The following MID1 variants were observed in gnomAD, a reference collection of about 807,000 sequenced individuals.
MID1 encodes midline 1, also known as E3 ubiquitin-protein ligase Midline-1.
MID1 carries 7 observed loss-of-function variants against 40.4 expected under a neutral mutation model. The ratio of observed to expected loss-of-function variants is 0.17; its 90% CI spans 0.10 to 0.33. The LOEUF (loss-of-function observed/expected upper bound fraction) is 0.33, where lower values mean the gene tolerates loss of function less well. MID1 is among the 10% of genes least tolerant of loss of function. The pLI, the probability that MID1 is intolerant of heterozygous loss-of-function variation, is 1.00. For synonymous variants in MID1, 229 were observed against 221.2 expected, an observed-to-expected ratio of 1.04 and a Z score of -0.31; for missense variants, 367 against 558.5, an observed-to-expected ratio of 0.66 and a Z score of 3.46.
Position 10,781,050 on chromosome X carries a change from A to T in MID1, c.-187+52504T>A, listed in dbSNP as rs191281326. ...CATGGACCAGTACCGGAGGTTGGGG[A>T]CCCCTGGTTTACAGTTTAAGCTGAG... On this transcript the variant is annotated intron_variant, in intron 1 of 10. Coordinates refer to the MID1 transcript ENST00000380785. Among the ~76,000 whole-genome samples, 157 of 111,264 alleles carry T rather than the reference A, an allele frequency of 1.4e-3. 3 individuals carry two copies. In the East Asian group the frequency reaches 0.015, roughly 11 times the overall value.
At chrX:10,652,831 T>C (rs754935967) in intron 1 of MID1, among the ~76,000 whole-genome samples, 1 of 111,781 alleles carries the variant, frequency 8.9e-6, no homozygotes, top group South Asian at 3.8e-4. Flanking sequence ...ATTTGCACTC[T>C]TAGTTTCTTC....
chrX:10,814,856 G>A (rs1278436125), intron 1 of MID1, among the ~76,000 whole-genome samples: 1 of 111,586 alleles, frequency 9.0e-6, no homozygotes, highest in African/African-American at 3.3e-5. Context: ...GATTCATCCA[G>A]GTTGTTGCAT....
chrX:10,699,120 T>C (rs921668609), intron 1 of MID1, among the ~76,000 whole-genome samples: 1 of 112,172 alleles, frequency 8.9e-6, no homozygotes. Context: ...AATGCTTATA[T>C]GAAATAAACT....
chrX:10,781,900 T>C (rs1308389564), intron 1 of MID1, among the ~76,000 whole-genome samples: 1 of 112,435 alleles, frequency 8.9e-6, no homozygotes. Context: ...TACAGTACAT[T>C]GGATTGCTCG....
rs201576822 is a variant in MID1, at chrX:10,717,366, G to GA, written c.-186-96948dup. On this transcript the variant is annotated intron_variant, in intron 1 of 10. Coordinates refer to the MID1 transcript ENST00000380785. ...TGGAGGAAGATCTACCAAGCAAATG[G>GA]AAAAAAAAAAAAAGGCAGGGGTTGC... is the stretch of plus-strand genomic sequence containing the variant. Among the ~76,000 whole-genome samples the GA allele has an allele frequency of 4.1e-3, 355 of 87,305 alleles. 1 individual carries two copies. Among genetic ancestry groups the GA allele is most frequent in the East Asian group, 0.018 (46 of 2,574 alleles). The allele number at this position is 87,305 out of a possible 115,157, so 75.8% of individuals were successfully genotyped here.
At chrX:10,764,542 G>T (rs934387748) in intron 1 of MID1, among the ~76,000 whole-genome samples, 2 of 111,442 alleles carry the variant, frequency 1.8e-5, no homozygotes, top group Non-Finnish European at 3.8e-5. Flanking sequence ...TATCTCTTGG[G>T]TTTATCTTTT....
chrX:10,683,099 C>G (rs1174742661), intron 1 of MID1, among the ~76,000 whole-genome samples: 1 of 112,223 alleles, frequency 8.9e-6, no homozygotes, highest in Non-Finnish European at 1.9e-5. Flanking sequence ...CTTCCTTGAT[C>G]TCAACTGAAA....
intron 1 of MID1, among the ~76,000 whole-genome samples, chrX:10,608,729 C>A (rs997823023): frequency 8.9e-6 from 1 of 111,969 alleles, no homozygotes; most frequent in Non-Finnish European, 1.9e-5. Flanking sequence ...CAAATGGTCT[C>A]ATTCACAGTG....
intron 2 of MID1, among the ~76,000 whole-genome samples, chrX:10,556,957 A>G (rs970604554): frequency 3.6e-5 from 4 of 112,500 alleles, no homozygotes; most frequent in African/African-American, 1.3e-4. Flanking sequence ...TACCAGTCTA[A>G]GAATAATCTA....
At chrX:10,666,764 A>G (rs372899555) in intron 1 of MID1, among the ~76,000 whole-genome samples, 1 of 111,856 alleles carries the variant, frequency 8.9e-6, no homozygotes, top group African/African-American at 3.2e-5. Context: ...GAAGAAGAGA[A>G]GGTAAAGGAG....
At chrX:10,820,763 T>G (rs1299121116) in intron 1 of MID1, among the ~76,000 whole-genome samples, 1 of 112,035 alleles carries the variant, frequency 8.9e-6, no homozygotes, top group Non-Finnish European at 1.9e-5. Flanking sequence ...TGTATAACTT[T>G]GAGTCAACAA....
intron 1 of MID1, among the ~76,000 whole-genome samples, chrX:10,627,712 A>C (rs1936010002): frequency 8.9e-6 from 1 of 112,110 alleles, no homozygotes; most frequent in African/African-American, 3.2e-5. Context: ...GCTGATATTT[A>C]AATTAGTCTT....
chrX:10,756,176 T>C (rs1462520363), intron 1 of MID1, among the ~76,000 whole-genome samples: 1 of 111,693 alleles, frequency 9.0e-6, no homozygotes, highest in Non-Finnish European at 1.9e-5. Context: ...ATACGGCCAC[T>C]TATGACAGGG....
chrX:10,474,576 A>C, intron 6 of MID1, 47 bp downstream of exon 6: 1 of 1,176,989 alleles, frequency 8.5e-7, no homozygotes, highest in Non-Finnish European at 1.2e-6. Flanking sequence ...CAAAGTGTTT[A>C]TATCACTAAG....
chrX:10,501,467 T>C, intron 3 of MID1: 1 of 1,153,239 alleles, frequency 8.7e-7, no homozygotes, highest in East Asian at 3.3e-5. Flanking sequence ...TCCCCATCAG[T>C]CTTGCCTGTA....
intron 1 of MID1, among the ~76,000 whole-genome samples, chrX:10,600,706 C>A (rs993204540): frequency 1.8e-5 from 2 of 112,122 alleles, no homozygotes; most frequent in Non-Finnish European, 3.8e-5. Flanking sequence ...ACTTTAAATT[C>A]CAGATTTAAG....
At chrX:10,529,965 T>G (rs905253843) in intron 2 of MID1, among the ~76,000 whole-genome samples, 3 of 111,749 alleles carry the variant, frequency 2.7e-5, no homozygotes, top group African/African-American at 9.8e-5. Context: ...AGACAATGTC[T>G]TCTCTCAGCT....
chrX:10,730,796 G>C (rs1426539073), intron 1 of MID1, among the ~76,000 whole-genome samples: 1 of 109,971 alleles, frequency 9.1e-6, no homozygotes, highest in Non-Finnish European at 1.9e-5. Flanking sequence ...GGATGGTCTC[G>C]ATCTCCTGAC....
intron 1 of MID1, among the ~76,000 whole-genome samples, chrX:10,817,574 C>CTTTCTCTCTT (rs2044147317): frequency 2.8e-5 from 1 of 35,378 alleles, no homozygotes; most frequent in Admixed American, 3.1e-4. Context: ...CTTTCTTTCT[C>CTTTCTCTCTT]TCTTTCTTTC....
Sources: allele counts gnomAD v4.1 joint callset (sites outside exome capture counted in the v4.1 genomes callset), GRCh38; gene constraint gnomAD v4.1.1; transcripts MANE v1.5; gene names NCBI Gene and HGNC (gene_info 2026-07-23, HGNC 2026-07-21).